Variants in GTPBP2 observed in about 807,000 individuals in gnomAD.
GTPBP2 encodes GTP-binding protein 2.
In GTPBP2, 32 loss-of-function variants were observed where a neutral mutation model predicts 63.0. That is an observed-to-expected ratio of 0.51 (90% CI 0.38 to 0.68). The LOEUF (loss-of-function observed/expected upper bound fraction) is 0.68. GTPBP2 is among the 30% of genes least tolerant of loss of function. GTPBP2 has a pLI of 0.00. For synonymous variants in GTPBP2, 310 were observed against 322.6 expected, an observed-to-expected ratio of 0.96 and a Z score of 0.42; for missense variants, 492 against 796.9, an observed-to-expected ratio of 0.62 and a Z score of 4.61.
Position 43,625,836 on chromosome 6 carries a change from C to T in GTPBP2, c.427G>A (p.Glu143Lys), listed in dbSNP as rs754771601. 6.2e-7 allele frequency: 1 copy of T among 1,614,098 alleles called. No homozygotes were observed. The highest frequency in any genetic ancestry group is 8.5e-7 in the Non-Finnish European group (1 of 1,179,966). The change falls in exon 4 of 12, where the codon GAG becomes AAG. Residue 143 changes from glutamate to lysine, a missense_variant. Physicochemically the swap from Glu to Lys is moderately conservative, Grantham distance 56 (BLOSUM62 1). Transcript: ENST00000307126. This position sits in a 1 kb window ranked among gnomAD's most constrained non-coding sequence, Gnocchi z 5.1. ...TCGCTATCATAATCCACTTCTCGCT[C>T]TCGAAGAACGGTTATGTCTGCCCCA... ...KVGADITVLR[E>K]REVDYDSDMP...
Position 43,625,652 on chromosome 6 carries a change from G to C in GTPBP2, c.508-92C>G. On this transcript the variant is annotated intron_variant, in intron 4 of 11. Transcript: ENST00000307126. The surrounding 1 kb of genome is among the most constrained non-coding windows in gnomAD (Gnocchi z 5.1). ...GGCAGTGACGCTCCCTAGGGAGCAA[G>C]TGATGAACTGGAAGCCCCCAGGATC... is the stretch of plus-strand genomic sequence containing the variant. 7.2e-7 allele frequency: 1 copy of C among 1,395,306 alleles called. No individual in the cohort carries two copies. Among genetic ancestry groups the C allele is most frequent in the Middle Eastern group, 1.8e-4 (1 of 5,604 alleles). The allele number at this position is 1,395,306 out of a possible 1,614,324, so 86.4% of individuals were successfully genotyped here. A position where few individuals can be genotyped will look rare whatever the true frequency, so the allele number is the denominator to read the frequency against.
In GTPBP2 at chr6:43,620,908, TTTGC is replaced by T. The variant is rs1436692160; in HGVS notation, c.*702_*705del. On this transcript the variant is annotated 3_prime_UTR_variant, in exon 12 of 12. Transcript: ENST00000307126. The stretch of plus-strand genomic sequence containing the variant: ...GCTGGCCTTTGGTATATGCCAAGCC[TTTGC>T]TTGGTAGCCCCACGCCTGGGCCAGC... 1 of 159,954 alleles carries T rather than the reference TTTGC, an allele frequency of 6.3e-6. No homozygotes were observed. Among genetic ancestry groups the T allele is most frequent in the African/African-American group, 2.4e-5 (1 of 41,548 alleles). The allele number at this position is 159,954 out of a possible 1,614,324, so 9.9% of individuals were successfully genotyped here.
rs374130902 is a variant in GTPBP2, at chr6:43,625,071, G to A, written c.706-9C>T. On this transcript the variant is annotated splice_polypyrimidine_tract_variant and intron_variant, in intron 5 of 11. Transcript: ENST00000307126. This position sits in a 1 kb window ranked among gnomAD's most constrained non-coding sequence, Gnocchi z 5.1. Reference sequence around the variant, plus strand: ...TCGCTGTAATTCACCACCTGGCCCAGGGCCCAGGGCCCTCAGTGCCTCCTG... The same window carrying A: ...TCGCTGTAATTCACCACCTGGCCCAAGGCCCAGGGCCCTCAGTGCCTCCTG... 1.9e-6 allele frequency: 3 copies of A among 1,612,372 alleles called. No individual in the cohort carries two copies. The highest frequency in any genetic ancestry group is 4.5e-5 in the East Asian group (2 of 44,886).
intron 1 of GTPBP2, 193 bp from the exon 2 acceptor site, chr6:43,627,141 G>T: frequency 1.6e-6 from 1 of 638,854 alleles, no homozygotes; most frequent in Non-Finnish European, 2.4e-6. Flanking sequence ...TCTATGAAGG[G>T]AAGGCCTATA....
At position 43,622,502 on chromosome 6, in the gene GTPBP2, G is replaced by A; in HGVS notation, c.1467+131C>T. On this transcript the variant is annotated intron_variant, in intron 10 of 11. Transcript: ENST00000307126. The surrounding 1 kb of genome is among the most constrained non-coding windows in gnomAD (Gnocchi z 5.4). ...TTTTATAGTCTACGTAGCTAGACCA[G>A]AAGCTTCTTGGGTCAGAGAGTGTGT... 1.1e-6 allele frequency: 1 copy of A among 874,062 alleles called. No homozygotes were observed. Among genetic ancestry groups the A allele is most frequent in the Non-Finnish European group, 1.8e-6 (1 of 552,986 alleles). The allele number at this position is 874,062 out of a possible 1,614,324, so 54.1% of individuals were successfully genotyped here.
chr6:43,628,192 C>T (rs1024157400), intron 1 of GTPBP2, among the ~76,000 whole-genome samples: 1 of 151,990 alleles, frequency 6.6e-6, no homozygotes, highest in African/African-American at 2.4e-5. Context: ...GGTGAAACCC[C>T]ATCTCTACTA....
In GTPBP2 at chr6:43,623,904, G is replaced by A. The variant is rs753911137; in HGVS notation, c.1236+29C>T. The A allele has an allele frequency of 3.1e-6, 5 of 1,613,492 alleles. 1 individual carries two copies. In the South Asian group the frequency reaches 5.5e-5, roughly 18 times the overall value. On this transcript the variant is annotated intron_variant, in intron 8 of 11. Transcript: ENST00000307126. ...TGAAGCAGCCCCTCCCTGTTTCCCA[G>A]CCTATTAGATGTTTGGGCAGTCAAC...
In GTPBP2 at chr6:43,624,113, A is replaced by G; in HGVS notation, c.1101-45T>C. 6.5e-7 allele frequency: 1 copy of G among 1,545,406 alleles called. No homozygotes were observed. Among genetic ancestry groups the G allele is most frequent in the Non-Finnish European group, 8.8e-7 (1 of 1,136,394 alleles). ...ATGGACAGATGAAGACAGTCCAAAC[A>G]GGAGGCAGAGGCCAGAGCCCCATAC... On this transcript the variant is annotated intron_variant, in intron 7 of 11. Coordinates refer to ENST00000307126, the MANE Select transcript of GTPBP2 (RefSeq NM_019096.5). This position sits in a 1 kb window ranked among gnomAD's most constrained non-coding sequence, Gnocchi z 5.1.
Position 43,624,434 on chromosome 6 carries a change from G to C in GTPBP2, c.1100+76C>G. The C allele has an allele frequency of 2.8e-6, 3 of 1,070,604 alleles. No homozygotes were observed. Among genetic ancestry groups the C allele is most frequent in the South Asian group, 1.3e-5 (1 of 78,126 alleles). The allele number at this position is 1,070,604 out of a possible 1,614,324, so 66.3% of individuals were successfully genotyped here. ...AACTGGTCTGGCCCTGGAGAAGTAG[G>C]ATATCATGCTTCTGGGCCCTGGGCT... is the stretch of plus-strand genomic sequence containing the variant. On this transcript the variant is annotated intron_variant, in intron 7 of 11. Coordinates refer to ENST00000307126, the MANE Select transcript of GTPBP2 (RefSeq NM_019096.5). The surrounding 1 kb of genome is among the most constrained non-coding windows in gnomAD (Gnocchi z 5.1).
rs951234571 is a variant in GTPBP2, at chr6:43,625,783, T to C, written c.480A>G (p.Leu160=). 6.2e-7 allele frequency: 1 copy of C among 1,613,672 alleles called. No homozygotes were observed. The highest frequency in any genetic ancestry group is 1.3e-5 in the African/African-American group (1 of 74,910). The part of the protein sequence containing the change: ...SDMPRKITEV[L]VRKVPDNQQF... ...GTTGGTTGTCAGGGACCTTTCGTAC[T>C]AGCACCTCGGTGATCTTCCGGGGCA... Residue 160 remains leucine, a synonymous_variant, in exon 4 of 12, where the codon CTA becomes CTG. Coordinates refer to ENST00000307126, the MANE Select transcript of GTPBP2 (RefSeq NM_019096.5). The surrounding 1 kb of genome is among the most constrained non-coding windows in gnomAD (Gnocchi z 5.1).
At chr6:43,628,493 TG>T in intron 1 of GTPBP2, 1 of 844,328 alleles carries the variant, frequency 1.2e-6, no homozygotes, top group Non-Finnish European at 1.4e-6. Flanking sequence ...TGTGTGTGTG[TG>T]TGTGTGTGTG....
Position 43,625,143 on chromosome 6 carries a change from C to A in GTPBP2, c.706-81G>T. The A allele has an allele frequency of 7.6e-7, 1 of 1,313,644 alleles. No individual in the cohort carries two copies. Among genetic ancestry groups the A allele is most frequent in the Non-Finnish European group, 1.1e-6 (1 of 935,856 alleles). 81.4% of individuals were successfully genotyped at this position (1,313,644 alleles called of 1,614,324 possible). A position where few individuals can be genotyped will look rare whatever the true frequency, so the allele number is the denominator to read the frequency against. On this transcript the variant is annotated intron_variant, in intron 5 of 11. Transcript: ENST00000307126. This position sits in a 1 kb window ranked among gnomAD's most constrained non-coding sequence, Gnocchi z 5.1. Reference sequence around the variant, plus strand: ...GAGTTGCCAGGACCTAAACCATTCCCTGGGTGACCCTGCCTCTTAATCTTG... The same window carrying A: ...GAGTTGCCAGGACCTAAACCATTCCATGGGTGACCCTGCCTCTTAATCTTG...
intron 1 of GTPBP2, 105 bp downstream of exon 1, chr6:43,628,872 G>A: frequency 8.0e-7 from 1 of 1,251,800 alleles, no homozygotes; most frequent in Non-Finnish European, 1.2e-6. Flanking sequence ...CCTCCCTGGG[G>A]TCTCGACACC....
chr6:43,627,071 G>A (rs1402388089), intron 1 of GTPBP2, 123 bp from the exon 2 acceptor site: 7 of 868,448 alleles, frequency 8.1e-6, no homozygotes, highest in Non-Finnish European at 1.1e-5. Context: ...CACTTGGTTA[G>A]GCAAGTGCCT....
chr6:43,624,423 T>C lies in GTPBP2; in HGVS notation c.1100+87A>G. On this transcript the variant is annotated intron_variant, in intron 7 of 11. Coordinates refer to ENST00000307126, the MANE Select transcript of GTPBP2 (RefSeq NM_019096.5). This position sits in a 1 kb window ranked among gnomAD's most constrained non-coding sequence, Gnocchi z 5.1. ...AACTAAGCCAGAACTGGTCTGGCCC[T>C]GGAGAAGTAGGATATCATGCTTCTG... 1 of 986,958 alleles carries C rather than the reference T, an allele frequency of 1.0e-6. No individual in the cohort carries two copies. The highest frequency in any genetic ancestry group is 1.3e-5 in the South Asian group (1 of 74,498). 61.1% of individuals were successfully genotyped at this position (986,958 alleles called of 1,614,324 possible).
chr6:43,623,700 G>A (rs749113910), intron 9 of GTPBP2, 37 bp downstream of exon 9: 2 of 1,504,160 alleles, frequency 1.3e-6, no homozygotes, highest in Non-Finnish European at 1.9e-6. Flanking sequence ...ATATAGGTGA[G>A]GGCTGAGTGG....
chr6:43,627,318 C>G (rs1396582410), intron 1 of GTPBP2: 2 of 1,044,482 alleles, frequency 1.9e-6, no homozygotes, highest in Non-Finnish European at 1.2e-6. Context: ...TGTGCCCAGG[C>G]TGTTAAAACC....
Position 43,625,636 on chromosome 6 carries a change from G to T in GTPBP2, c.508-76C>A. The T allele has an allele frequency of 7.0e-7, 1 of 1,424,224 alleles. No homozygotes were observed. Among genetic ancestry groups the T allele is most frequent in the Non-Finnish European group, 9.9e-7 (1 of 1,008,748 alleles). 88.2% of individuals were successfully genotyped at this position (1,424,224 alleles called of 1,614,324 possible). On this transcript the variant is annotated intron_variant, in intron 4 of 11. Coordinates refer to ENST00000307126, the MANE Select transcript of GTPBP2 (RefSeq NM_019096.5). The surrounding 1 kb of genome is among the most constrained non-coding windows in gnomAD (Gnocchi z 5.1). ...TGAAGACTGGGTCAAGGGCAGTGAC[G>T]CTCCCTAGGGAGCAAGTGATGAACT... is the stretch of plus-strand genomic sequence containing the variant.
intron 1 of GTPBP2, chr6:43,628,713 T>C: frequency 1.4e-6 from 1 of 712,842 alleles, no homozygotes; most frequent in Non-Finnish European, 2.5e-6. Flanking sequence ...CCCCTTTCTC[T>C]ACTTCTCTCC....
Sources: gnomAD v4.1 joint callset for allele counts (sites outside exome capture counted in the v4.1 genomes callset) on GRCh38, gnomAD v4.1.1 for gene constraint, Gnocchi (gnomAD v3.1) non-coding constraint, MANE v1.5 for transcripts, NCBI Gene and HGNC (gene_info 2026-07-23, HGNC 2026-07-21) for gene names.